TNNI3K: variants seen among roughly 807,000 people sequenced by gnomAD.
The protein encoded by TNNI3K is serine/threonine-protein kinase TNNI3K.
Under a neutral mutation model 114.5 loss-of-function variants are expected in TNNI3K, and 140 were observed. The observed-to-expected ratio is 1.22, with a 90% CI of 1.07 to 1.41. TNNI3K has a LOEUF of 1.41. Ranked by LOEUF, TNNI3K falls within the 40% of genes most tolerant of loss-of-function variation. The pLI is 0.00. For missense variants in TNNI3K, 1,125 were observed against 1,007.6 expected (o/e 1.12, Z -1.58); for synonymous variants, 347 against 347.5 (o/e 1.00, Z 0.02).
intron 23 of TNNI3K, among the ~76,000 whole-genome samples, chr1:74,493,374 A>G (rs1669171469): frequency 6.6e-6 from 1 of 152,184 alleles, no homozygotes. Context: ...CTTTACCTCG[A>G]TGAAAACAGA....
chr1:74,253,698 C>T (rs1171073748), intron 4 of TNNI3K, among the ~76,000 whole-genome samples: 2 of 152,108 alleles, frequency 1.3e-5, no homozygotes, highest in Non-Finnish European at 2.9e-5. Flanking sequence ...GCAAGCCCCG[C>T]CGTGCGGCCC....
At chr1:74,310,087 A>T (rs61384578) in intron 5 of TNNI3K, among the ~76,000 whole-genome samples, 4,460 of 152,278 alleles carry the variant, frequency 0.029, 203 homozygotes, top group African/African-American at 0.1. Context: ...AGACTCCTAG[A>T]CCTGATAAAT....
intron 6 of TNNI3K, among the ~76,000 whole-genome samples, chr1:74,333,021 A>G (rs1557502496): frequency 6.6e-6 from 1 of 150,484 alleles, no homozygotes; most frequent in East Asian, 2.0e-4. Flanking sequence ...ATAACCGAAT[A>G]TAACTGTTCA....
chr1:74,244,749 G>A lies in TNNI3K; in HGVS notation c.150-4710G>A, dbSNP rs796617338. Among the ~76,000 whole-genome samples, 16 of 151,192 alleles carry A rather than the reference G, an allele frequency of 1.1e-4. 1 individual carries two copies. Among genetic ancestry groups the A allele is most frequent in the African/African-American group, 2.7e-4 (11 of 41,116 alleles). ...TGAGCCTTAAGAGCAGAAGTGAGGC[G>A]TATAGTAGGTGTTTAGCAGGTGTTG... is the stretch of plus-strand genomic sequence containing the variant. On this transcript the variant is annotated intron_variant, in intron 2 of 24. Coordinates refer to ENST00000326637, the MANE Select transcript of TNNI3K (RefSeq NM_015978.3).
In TNNI3K at chr1:74,445,324, C is replaced by G. The variant is rs1421429384; in HGVS notation, c.2011+5702C>G. Among the ~76,000 whole-genome samples, 9 of 142,776 alleles carry G rather than the reference C, an allele frequency of 6.3e-5. No homozygotes were observed. The East Asian group carries it at 1.5e-3, about 23-fold the overall frequency. The allele number at this position is 142,776 out of a possible 152,430, so 93.7% of individuals were successfully genotyped here. On this transcript the variant is annotated intron_variant, in intron 20 of 24. Transcript: ENST00000326637. ...CGTGCTGGTGCGCTGCACCCACTAA[C>G]TCGTCATCTAGCATTAGGTATATCT... is the stretch of plus-strand genomic sequence containing the variant.
chr1:74,539,624 G>C (rs1646702054), intron 23 of TNNI3K, among the ~76,000 whole-genome samples: 1 of 152,112 alleles, frequency 6.6e-6, no homozygotes, highest in African/African-American at 2.4e-5. Context: ...AAACACATCA[G>C]CTTTGGAATC....
At chr1:74,358,052 A>C (rs1661755118) in intron 11 of TNNI3K, among the ~76,000 whole-genome samples, 1 of 152,192 alleles carries the variant, frequency 6.6e-6, no homozygotes, top group Admixed American at 6.5e-5. Flanking sequence ...ATTAGAATTG[A>C]ACACATAGCT....
intron 4 of TNNI3K, among the ~76,000 whole-genome samples, chr1:74,252,550 G>A (rs997586980): frequency 9.9e-5 from 15 of 152,216 alleles, no homozygotes; most frequent in African/African-American, 3.1e-4. Context: ...GGACCCTCGC[G>A]GTGAGTATTA....
intron 24 of TNNI3K, among the ~76,000 whole-genome samples, chr1:74,540,849 T>C (rs894190830): frequency 6.6e-6 from 1 of 152,146 alleles, no homozygotes; most frequent in Non-Finnish European, 1.5e-5. Context: ...AGGGGACAGT[T>C]TGATGGGAAC....
At chr1:74,295,465 A>C (rs2100301538) in intron 5 of TNNI3K, among the ~76,000 whole-genome samples, 1 of 152,268 alleles carries the variant, frequency 6.6e-6, no homozygotes, top group Non-Finnish European at 1.5e-5. Context: ...CTCCCACTAT[A>C]ATCATGGATA....
intron 11 of TNNI3K, among the ~76,000 whole-genome samples, chr1:74,361,901 G>T (rs1661988161): frequency 1.3e-5 from 2 of 152,092 alleles, no homozygotes; most frequent in African/African-American, 2.4e-5. Context: ...AAATATCTTG[G>T]CAAAAGCATT....
chr1:74,496,170 C>A (rs1010788490), intron 23 of TNNI3K, among the ~76,000 whole-genome samples: 10 of 152,126 alleles, frequency 6.6e-5, no homozygotes, highest in African/African-American at 2.4e-4. Flanking sequence ...GTATAAGAAA[C>A]ATGCTGAAAG....
chr1:74,483,457 AT>A, intron 21 of TNNI3K: 1 of 625,070 alleles, frequency 1.6e-6, no homozygotes, highest in Non-Finnish European at 3.0e-6. Context: ...GTCATGAGGC[AT>A]TTTGGTAATT....
intron 20 of TNNI3K, among the ~76,000 whole-genome samples, chr1:74,454,984 T>C (rs1166044474): frequency 6.6e-6 from 1 of 152,294 alleles, no homozygotes; most frequent in African/African-American, 2.4e-5. Flanking sequence ...TTATTATTAT[T>C]ATTATCTTTA....
intron 7 of TNNI3K, among the ~76,000 whole-genome samples, chr1:74,336,551 C>A (rs1305072450): frequency 1.4e-5 from 2 of 147,710 alleles, no homozygotes; most frequent in Non-Finnish European, 3.0e-5. Flanking sequence ...CTTCCTGTGT[C>A]CATGTGATCT....
At chr1:74,457,055 A>C (rs569789282) in intron 20 of TNNI3K, among the ~76,000 whole-genome samples, 1 of 152,154 alleles carries the variant, frequency 6.6e-6, no homozygotes. Context: ...TAATAACTTC[A>C]TAGGATACAA....
chr1:74,235,493 T>C lies in TNNI3K; in HGVS notation c.40+2T>C, dbSNP rs2100818863. On this transcript the variant is annotated splice_donor_variant, in intron 1 of 24. Coordinates refer to ENST00000326637, the MANE Select transcript of TNNI3K (RefSeq NM_015978.3). LOFTEE classifies it high-confidence loss of function. ...CTAGACCAACCCAAACTTGTACTGG[T>C]AATTATTCTAATTATTCTTATTTCC... The C allele has an allele frequency of 7.5e-7, 1 of 1,339,128 alleles. No individual in the cohort carries two copies. The highest frequency in any genetic ancestry group is 1.3e-5 in the South Asian group (1 of 79,074). 83.0% of individuals were successfully genotyped at this position (1,339,128 alleles called of 1,614,324 possible). A position where few individuals can be genotyped will look rare whatever the true frequency, so the allele number is the denominator to read the frequency against.
chr1:74,419,615 G>A (rs1665297885), intron 17 of TNNI3K, among the ~76,000 whole-genome samples: 1 of 151,930 alleles, frequency 6.6e-6, no homozygotes, highest in African/African-American at 2.4e-5. Flanking sequence ...TTTCTTTGGT[G>A]CTTCAAAAGG....
intron 23 of TNNI3K, among the ~76,000 whole-genome samples, chr1:74,524,385 T>C (rs1646475273): frequency 1.1e-4 from 17 of 152,184 alleles, no homozygotes; most frequent in Admixed American, 1.1e-3. Flanking sequence ...CCTGACACTG[T>C]GCGGACTCCA....
Sources: allele counts gnomAD v4.1 joint callset (sites outside exome capture counted in the v4.1 genomes callset), GRCh38; gene constraint gnomAD v4.1.1; transcripts MANE v1.5; gene names NCBI Gene and HGNC (gene_info 2026-07-23, HGNC 2026-07-21).